VPS33B: variants seen among roughly 807,000 people sequenced by gnomAD.
VPS33B encodes the protein vacuolar protein sorting-associated protein 33B.
In VPS33B, 80 loss-of-function variants were observed where a neutral mutation model predicts 95.3. The ratio of observed to expected loss-of-function variants is 0.84; its 90% CI spans 0.70 to 1.01. VPS33B has a LOEUF of 1.01. VPS33B is among the 50% of genes least tolerant of loss of function. The pLI is 0.00. For synonymous variants in VPS33B, 280 were observed against 280.4 expected, an observed-to-expected ratio of 1.00 and a Z score of 0.01; for missense variants, 715 against 773.4, an observed-to-expected ratio of 0.92 and a Z score of 0.90.
chr15:91,001,515 C>A lies in VPS33B; in HGVS notation c.1406-53G>T, dbSNP rs905633468. The A allele has an allele frequency of 4.2e-6, 6 of 1,442,782 alleles. No individual in the cohort carries two copies. In the African/African-American group the frequency reaches 8.4e-5, roughly 20 times the overall value. 89.4% of individuals were successfully genotyped at this position (1,442,782 alleles called of 1,614,324 possible). On this transcript the variant is annotated intron_variant, in intron 18 of 22. Coordinates refer to ENST00000333371, the MANE Select transcript of VPS33B (RefSeq NM_018668.5). The stretch of plus-strand genomic sequence containing the variant: ...ACCTAAGGTCTATGGATTCATGACA[C>A]TGCCACAGATAACACCATTCAGGAC...
In VPS33B at chr15:90,998,976, C is replaced by T. The variant is rs200701326; in HGVS notation, c.1853G>A (p.Ter618=). 5 of 1,614,120 alleles carry T rather than the reference C, an allele frequency of 3.1e-6. No homozygotes were observed. In the African/African-American group the frequency reaches 6.7e-5, roughly 22 times the overall value. Residue 618 remains the stop codon, a stop_retained_variant, in exon 23 of 23, where the codon TGA becomes TAA. Coordinates refer to ENST00000333371, the MANE Select transcript of VPS33B (RefSeq NM_018668.5). The surrounding 1 kb of genome is among the most constrained non-coding windows in gnomAD (Gnocchi z 4.8). ...LMEAMSEVKA[*] The stretch of plus-strand genomic sequence containing the variant: ...TGTCAACACTGGCCGGGAAAAACAT[C>T]AGGCTTTCACCTCACTCATGGCCTC...
At chr15:91,017,683 T>C in intron 2 of VPS33B, 122 bp downstream of exon 2, 1 of 934,108 alleles carries the variant, frequency 1.1e-6, no homozygotes, top group Non-Finnish European at 1.7e-6. Context: ...CTCCCTTTTC[T>C]ACCCAATTAA....
chr15:91,017,795 G>A lies in VPS33B; in HGVS notation c.177+10C>T. The stretch of plus-strand genomic sequence containing the variant: ...AGAGGGGCATGGCCCCCAGGGGAAA[G>A]GGACAGTACCTTCAGGATGGAGACA... On this transcript the variant is annotated intron_variant, in intron 2 of 22. Transcript: ENST00000333371. The A allele has an allele frequency of 1.2e-6, 2 of 1,613,938 alleles. No homozygotes were observed. Among genetic ancestry groups the A allele is most frequent in the East Asian group, 2.2e-5 (1 of 44,888 alleles).
rs1567224581 is a variant in VPS33B, at chr15:91,009,144, G to A, written c.403+657C>T. Among the ~76,000 whole-genome samples, 1 of 152,132 alleles carries A rather than the reference G, an allele frequency of 6.6e-6. No individual in the cohort carries two copies. The highest frequency in any genetic ancestry group is 1.5e-5 in the Non-Finnish European group (1 of 68,022). On this transcript the variant is annotated intron_variant, in intron 6 of 22. Coordinates refer to ENST00000333371, the MANE Select transcript of VPS33B (RefSeq NM_018668.5). This position sits in a 1 kb window ranked among gnomAD's most constrained non-coding sequence, Gnocchi z 4.1. The stretch of plus-strand genomic sequence containing the variant: ...AGAGGGGAGGCCCAGTTTTTCCTGT[G>A]GGAGCCTTGGAAGGTGAGAAAAGAG...
intron 4 of VPS33B, 133 bp downstream of exon 4, chr15:91,014,251 G>A (rs2040860909): frequency 3.4e-6 from 3 of 870,104 alleles, no homozygotes; most frequent in African/African-American, 3.4e-5. Flanking sequence ...AAGAAGCGGG[G>A]AAGCAGACAT....
At chr15:91,014,278 G>T in intron 4 of VPS33B, 106 bp downstream of exon 4, 1 of 1,123,988 alleles carries the variant, frequency 8.9e-7, no homozygotes. Context: ...CAAGTGCTAC[G>T]GCCAACTCAA....
At chr15:91,004,768 A>G in intron 16 of VPS33B, 109 bp downstream of exon 16, 1 of 1,279,224 alleles carries the variant, frequency 7.8e-7, no homozygotes. Context: ...ATTACAGGGA[A>G]ACATTCTGTT....
At chr15:91,004,222 TAA>T (rs57109473) in intron 16 of VPS33B, among the ~76,000 whole-genome samples, 11 of 113,906 alleles carry the variant, frequency 9.7e-5, no homozygotes, top group Admixed American at 9.3e-5. Context: ...GACTCTGTCT[TAA>T]AAAAAAAAAA....
Position 91,001,854 on chromosome 15 carries a change from A to G in VPS33B, c.1405+196T>C, listed in dbSNP as rs528528351. Among the ~76,000 whole-genome samples, 25 of 152,340 alleles carry G rather than the reference A, an allele frequency of 1.6e-4. 1 individual carries two copies. Among genetic ancestry groups the G allele is most frequent in the African/African-American group, 6.0e-4 (25 of 41,580 alleles). On this transcript the variant is annotated intron_variant, in intron 18 of 22. Transcript: ENST00000333371. ...TTTGTGAGATTAAATGAGAAACTAA[A>G]GGGCTCAGCACATGGTAAGTGTTTA...
rs2040596581 is a variant in VPS33B at position 91,006,166 on chromosome 15, A to G, written c.853-107T>C. 2.1e-6 allele frequency: 3 copies of G among 1,400,478 alleles called. No individual in the cohort carries two copies. Among genetic ancestry groups the G allele is most frequent in the Non-Finnish European group, 3.0e-6 (3 of 999,262 alleles). 86.8% of individuals were successfully genotyped at this position (1,400,478 alleles called of 1,614,324 possible). ...CAGGTGTTCTGGCAGAAATACAAAG[A>G]AAGCTGAGCTGGGATCTGTAAGTCC... On this transcript the variant is annotated intron_variant, in intron 11 of 22. Coordinates refer to ENST00000333371, the MANE Select transcript of VPS33B (RefSeq NM_018668.5). The surrounding 1 kb of genome is among the most constrained non-coding windows in gnomAD (Gnocchi z 5.4).
At position 91,004,909 on chromosome 15, in the gene VPS33B, C is replaced by G. The variant is rs762843831; in HGVS notation, c.1193G>C (p.Arg398Pro). The change falls in exon 16 of 23, where the codon CGC (arginine) becomes CCC (proline). Residue 398 changes from arginine (R) to proline (P), a missense_variant. Transcript: ENST00000333371. ...DRQVSPIESL[R>P]LMCLLSITEN... ...AGTGATGGACAAAAGGCACATGAGG[C>G]GCAGGCTTTCTATAGGCGACACCTG... is the stretch of plus-strand genomic sequence containing the variant. The G allele has an allele frequency of 1.8e-5, 29 of 1,614,158 alleles. No homozygotes were observed. Among genetic ancestry groups the G allele is most frequent in the Non-Finnish European group, 2.4e-5 (28 of 1,180,030 alleles).
At position 91,016,947 on chromosome 15, in the gene VPS33B, T is replaced by C. The variant is rs570696327; in HGVS notation, c.239+16A>G. ...CTTCCAGCTTGGAGTAGGGACAGAC[T>C]CTCCCAGACACTCACTGTTCATTGG... On this transcript the variant is annotated intron_variant, in intron 3 of 22. Coordinates refer to ENST00000333371, the MANE Select transcript of VPS33B (RefSeq NM_018668.5). 1.9e-5 allele frequency: 31 copies of C among 1,613,590 alleles called. No individual in the cohort carries two copies. The highest frequency in any genetic ancestry group is 2.6e-5 in the Non-Finnish European group (31 of 1,179,692).
Position 91,020,299 on chromosome 15 carries a change from G to T in VPS33B, c.96+1855C>A, listed in dbSNP as rs192845426. 7.9e-5 allele frequency among the ~76,000 whole-genome samples: 12 copies of T among 152,298 alleles called. No homozygotes were observed. In the East Asian group the frequency reaches 1.9e-3, roughly 24 times the overall value. On this transcript the variant is annotated intron_variant, in intron 1 of 22. Coordinates refer to ENST00000333371, the MANE Select transcript of VPS33B (RefSeq NM_018668.5). The stretch of plus-strand genomic sequence containing the variant: ...AAGTATCCATGGAACTCAGCAACTG[G>T]TTCAGTTAAGTATCAGGGTGAAGGA...
At chr15:91,021,629 C>A (rs933478100) in intron 1 of VPS33B, among the ~76,000 whole-genome samples, 3 of 152,188 alleles carry the variant, frequency 2.0e-5, no homozygotes, top group African/African-American at 7.2e-5. Flanking sequence ...CCCTTACATG[C>A]CTTGTCTTTC....
intron 18 of VPS33B, among the ~76,000 whole-genome samples, chr15:91,001,796 T>C (rs1157145685): frequency 6.6e-6 from 1 of 152,190 alleles, no homozygotes; most frequent in Non-Finnish European, 1.5e-5. Context: ...AGTTTCATCA[T>C]AAAATGAGGA....
At chr15:91,021,691 G>A (rs947420961) in intron 1 of VPS33B, among the ~76,000 whole-genome samples, 1 of 152,164 alleles carries the variant, frequency 6.6e-6, no homozygotes, top group African/African-American at 2.4e-5. Flanking sequence ...AGCATGCTTA[G>A]TCTCCAAAGA....
At chr15:91,014,972 G>A (rs545647348) in intron 3 of VPS33B, among the ~76,000 whole-genome samples, 18 of 151,968 alleles carry the variant, frequency 1.2e-4, no homozygotes, top group African/African-American at 2.7e-4. Flanking sequence ...AGGCAGAGGC[G>A]CGTGGATCAC....
intron 3 of VPS33B, 41 bp from the exon 4 acceptor site, chr15:91,014,474 T>C: frequency 6.2e-7 from 1 of 1,606,970 alleles, no homozygotes; most frequent in Non-Finnish European, 8.5e-7. Context: ...AGAAGAATTA[T>C]CAAGTTGGAT....
At chr15:91,003,162 G>A (rs1260747508) in intron 16 of VPS33B, 31 bp from the exon 17 acceptor site, 1 of 1,613,318 alleles carries the variant, frequency 6.2e-7, no homozygotes, top group East Asian at 2.2e-5. Flanking sequence ...ACAGGTGCAT[G>A]AGAAAGAGGC....
Sources: gnomAD v4.1 joint callset for allele counts (sites outside exome capture counted in the v4.1 genomes callset) on GRCh38, gnomAD v4.1.1 for gene constraint, Gnocchi (gnomAD v3.1) non-coding constraint, MANE v1.5 for transcripts, NCBI Gene and HGNC (gene_info 2026-07-23, HGNC 2026-07-21) for gene names.